SYT9: variants seen among roughly 807,000 people sequenced by gnomAD.
SYT9 encodes the protein synaptotagmin 9.
SYT9 carries 22 observed loss-of-function variants against 48.4 expected under a neutral mutation model. The ratio of observed to expected loss-of-function variants is 0.45; its 90% CI spans 0.32 to 0.65. SYT9 has a LOEUF of 0.65. Among genes scored for constraint, SYT9 ranks in the 30% least tolerant of loss-of-function variants. The probability of loss-of-function intolerance (pLI) is 0.03; values close to 1 mark genes in which losing one functional copy is unlikely to be tolerated. For missense variants in SYT9, 577 were observed against 622.0 expected (o/e 0.93, Z 0.77); for synonymous variants, 265 against 245.0 (o/e 1.08, Z -0.76).
chr11:7,296,400 A>G (rs891657814), intron 1 of SYT9, among the ~76,000 whole-genome samples: 5 of 152,248 alleles, frequency 3.3e-5, no homozygotes, highest in Non-Finnish European at 7.3e-5. Flanking sequence ...ATCTGATTTA[A>G]ACTAGAATCT....
intron 5 of SYT9, 100 bp from the exon 6 acceptor site, chr11:7,420,405 CA>C (rs891355329): frequency 8.2e-5 from 120 of 1,456,766 alleles, no homozygotes; most frequent in Non-Finnish European, 1.1e-4. Flanking sequence ...AACAAACAAA[CA>C]AAAAACCACA....
At chr11:7,259,581 A>G (rs1670741291) in intron 1 of SYT9, among the ~76,000 whole-genome samples, 1 of 152,168 alleles carries the variant, frequency 6.6e-6, no homozygotes, top group South Asian at 2.1e-4. Context: ...CTAATTTAAC[A>G]TGGTTTAAAC....
intron 6 of SYT9, among the ~76,000 whole-genome samples, chr11:7,446,734 G>C (rs1367265028): frequency 1.3e-5 from 2 of 152,226 alleles, no homozygotes; most frequent in Non-Finnish European, 2.9e-5. Context: ...AGAGGCGGAA[G>C]ACCAATACCC....
chr11:7,426,676 C>T (rs1847464150), intron 6 of SYT9, among the ~76,000 whole-genome samples: 1 of 152,104 alleles, frequency 6.6e-6, no homozygotes, highest in African/African-American at 2.4e-5. Flanking sequence ...GGTTTCAAGC[C>T]TGAACGGTAA....
intron 3 of SYT9, among the ~76,000 whole-genome samples, chr11:7,395,821 T>C (rs1846741381): frequency 6.6e-6 from 1 of 152,232 alleles, no homozygotes; most frequent in African/African-American, 2.4e-5. Context: ...TTTAAGTGTT[T>C]AGACCATTTA....
At chr11:7,365,096 A>G (rs1246051164) in intron 3 of SYT9, among the ~76,000 whole-genome samples, 1 of 152,096 alleles carries the variant, frequency 6.6e-6, no homozygotes. Flanking sequence ...ACTTCCTTGC[A>G]CAGTGAAACG....
chr11:7,312,945 T>G (rs1305736080), intron 2 of SYT9, among the ~76,000 whole-genome samples: 1 of 152,230 alleles, frequency 6.6e-6, no homozygotes, highest in East Asian at 1.9e-4. Flanking sequence ...TATAAGCCAG[T>G]GGCAAGAAAT....
intron 6 of SYT9, chr11:7,444,643 T>A (rs1459056034): frequency 6.6e-6 from 1 of 152,160 alleles, no homozygotes; most frequent in South Asian, 2.1e-4. Flanking sequence ...TTGCCCAATT[T>A]CCATAGCCAA....
chr11:7,339,934 A>G (rs2133988567), intron 3 of SYT9, among the ~76,000 whole-genome samples: 1 of 152,330 alleles, frequency 6.6e-6, no homozygotes, highest in East Asian at 1.9e-4. Flanking sequence ...TTCATGGACA[A>G]TATCCTGAAA....
At chr11:7,455,864 C>G (rs1207562508) in intron 6 of SYT9, among the ~76,000 whole-genome samples, 1 of 152,124 alleles carries the variant, frequency 6.6e-6, no homozygotes, top group African/African-American at 2.4e-5. Flanking sequence ...TGGCCTTTCC[C>G]TGGGTCATGT....
At chr11:7,255,500 A>T (rs7930669) in intron 1 of SYT9, among the ~76,000 whole-genome samples, 125,995 of 152,190 alleles carry the variant, frequency 0.83, 52,526 homozygotes, top group South Asian at 0.92. Flanking sequence ...CAGAGAAACC[A>T]CTTAGGAAGC....
intron 3 of SYT9, among the ~76,000 whole-genome samples, chr11:7,382,013 C>T (rs73399521): frequency 8.4e-4 from 128 of 152,220 alleles, no homozygotes; most frequent in African/African-American, 3.1e-3. Flanking sequence ...TTTCTGAAGC[C>T]TTTTGTGGGC....
chr11:7,431,571 A>G (rs1250537844), intron 6 of SYT9, among the ~76,000 whole-genome samples: 1 of 152,220 alleles, frequency 6.6e-6, no homozygotes, highest in African/African-American at 2.4e-5. Context: ...AAAGACCTCA[A>G]AGGCATTTCG....
At chr11:7,264,020 G>C (rs1848128598) in intron 1 of SYT9, among the ~76,000 whole-genome samples, 1 of 152,094 alleles carries the variant, frequency 6.6e-6, no homozygotes, top group Non-Finnish European at 1.5e-5. Context: ...AGGTTGAGTA[G>C]GTGGGTTTTT....
chr11:7,380,530 G>A (rs926252483), intron 3 of SYT9, among the ~76,000 whole-genome samples: 1 of 151,864 alleles, frequency 6.6e-6, no homozygotes, highest in Non-Finnish European at 1.5e-5. Flanking sequence ...TTGCATTCCT[G>A]TATCAAAACC....
intron 3 of SYT9, among the ~76,000 whole-genome samples, chr11:7,362,844 T>C (rs1449045791): frequency 6.6e-6 from 1 of 152,058 alleles, no homozygotes; most frequent in African/African-American, 2.4e-5. Flanking sequence ...TATATCGCCA[T>C]GACTGATATA....
intron 3 of SYT9, among the ~76,000 whole-genome samples, chr11:7,377,616 G>C (rs906021725): frequency 3.9e-5 from 6 of 152,064 alleles, no homozygotes; most frequent in African/African-American, 1.4e-4. Flanking sequence ...TAAAAGGTGA[G>C]AGGCAAGGCC....
At chr11:7,291,474 C>T (rs1235574487) in intron 1 of SYT9, among the ~76,000 whole-genome samples, 1 of 151,996 alleles carries the variant, frequency 6.6e-6, no homozygotes, top group Non-Finnish European at 1.5e-5. Context: ...ACTGAAATGC[C>T]GAGAACCTGA....
In SYT9 at chr11:7,274,483, AT is replaced by A. The variant is rs1405653996; in HGVS notation, c.145+22158del. Among the ~76,000 whole-genome samples, 3 of 151,616 alleles carry A rather than the reference AT, an allele frequency of 2.0e-5. No individual in the cohort carries two copies. In the East Asian group the frequency reaches 5.8e-4, roughly 29 times the overall value. On this transcript the variant is annotated intron_variant, in intron 1 of 6. Transcript: ENST00000318881. Reference sequence around the variant, plus strand: ...AGGTGTGCACCACCATGCCCAGCTAATTTTTTGTATTTTCAGTAGAGATGGG... The same window carrying A: ...AGGTGTGCACCACCATGCCCAGCTAATTTTTGTATTTTCAGTAGAGATGGG...
Sources: gnomAD v4.1 joint callset for allele counts (sites outside exome capture counted in the v4.1 genomes callset) on GRCh38, gnomAD v4.1.1 for gene constraint, MANE v1.5 for transcripts, NCBI Gene and HGNC (gene_info 2026-07-23, HGNC 2026-07-21) for gene names.